LYPLAL1: variants seen among roughly 807,000 people sequenced by gnomAD.
The protein encoded by LYPLAL1 is lysophospholipase like 1, also known as lysophospholipase-like protein 1.
A neutral mutation model predicts 19.7 loss-of-function variants in LYPLAL1; 23 were observed. That is an observed-to-expected ratio of 1.17 (90% confidence interval 0.84 to 1.65). The LOEUF (loss-of-function observed/expected upper bound fraction) is 1.65. LYPLAL1 is among the 40% of genes most tolerant of loss of function. The pLI, the probability that LYPLAL1 is intolerant of heterozygous loss-of-function variation, is 0.00. For synonymous variants in LYPLAL1, 119 were observed against 96.3 expected (o/e 1.24, Z -1.38); for missense variants, 355 against 279.4 (o/e 1.27, Z -1.93).
At chr1:219,179,706 T>C (rs1334985646) in intron 2 of LYPLAL1, among the ~76,000 whole-genome samples, 2 of 152,262 alleles carry the variant, frequency 1.3e-5, no homozygotes, top group African/African-American at 4.8e-5. Flanking sequence ...TATGCTTTTT[T>C]AATCAGTAAA....
At chr1:219,243,770 T>A in the LYPLAL1 span, among the ~76,000 whole-genome samples, 1 of 151,724 alleles carries the variant, frequency 6.6e-6, no homozygotes, top group Non-Finnish European at 1.5e-5. Context: ...ATACAAAAAA[T>A]TAGCTGGACG....
At chr1:219,196,082 A>T (rs1657579695) in intron 3 of LYPLAL1, among the ~76,000 whole-genome samples, 3 of 152,038 alleles carry the variant, frequency 2.0e-5, no homozygotes. Context: ...TCTGTCATTG[A>T]TGGGCGTTTG....
At chr1:219,193,011 G>A (rs1459499191) in intron 2 of LYPLAL1, 71 bp from the exon 3 acceptor site, 17 of 1,391,962 alleles carry the variant, frequency 1.2e-5, no homozygotes, top group Admixed American at 2.4e-5. Context: ...TATTATTTTG[G>A]TAATTAAAGC....
At chr1:219,356,373 A>C in the LYPLAL1 span, among the ~76,000 whole-genome samples, 2 of 151,980 alleles carry the variant, frequency 1.3e-5, no homozygotes, top group Non-Finnish European at 2.9e-5. Flanking sequence ...GGTGATGCGC[A>C]CCTGTAGTCC....
chr1:219,273,721 C>A, the LYPLAL1 span, among the ~76,000 whole-genome samples: 1 of 152,108 alleles, frequency 6.6e-6, no homozygotes, highest in African/African-American at 2.4e-5. Flanking sequence ...ACATTTTGTC[C>A]TCTTTCTGTG....
the LYPLAL1 span, among the ~76,000 whole-genome samples, chr1:219,374,997 G>T: frequency 4.4e-4 from 67 of 152,278 alleles, no homozygotes; most frequent in South Asian, 0.013. Context: ...TTTCTTTGCT[G>T]CATCCCAGTA....
At position 219,193,146 on chromosome 1, in the gene LYPLAL1, G is replaced by T; in HGVS notation, c.256G>T (p.Asp86Tyr). ...VWFDRFKITN[D>Y]CPEHLESIDV... ...GTTTGACAGATTTAAAATAACCAAT[G>T]ACTGCCCAGAACACCTTGAATCAAT... is the stretch of plus-strand genomic sequence containing the variant. Residue 86 changes from aspartate to tyrosine, a missense_variant, in exon 3 of 5, where the codon GAC becomes TAC. Coordinates refer to ENST00000366928, the MANE Select transcript of LYPLAL1 (RefSeq NM_138794.5). 1 of 1,604,204 alleles carries T rather than the reference G, an allele frequency of 6.2e-7. No individual in the cohort carries two copies.
chr1:219,247,972 A>G, the LYPLAL1 span, among the ~76,000 whole-genome samples: 1 of 152,156 alleles, frequency 6.6e-6, no homozygotes, highest in Non-Finnish European at 1.5e-5. Flanking sequence ...TTGAAAAAGT[A>G]ATATTACTGA....
chr1:219,229,196 G>A, the LYPLAL1 span, among the ~76,000 whole-genome samples: 1 of 151,826 alleles, frequency 6.6e-6, no homozygotes, highest in African/African-American at 2.4e-5. Flanking sequence ...GTGTTGGGAA[G>A]GGAAGAGCGT....
chr1:219,250,341 C>T, the LYPLAL1 span, among the ~76,000 whole-genome samples: 7 of 152,032 alleles, frequency 4.6e-5, no homozygotes, highest in East Asian at 1.4e-3. Context: ...GTGTTTGTTT[C>T]TATTCCCTCT....
At chr1:219,221,231 C>T in the LYPLAL1 span, among the ~76,000 whole-genome samples, 2 of 152,072 alleles carry the variant, frequency 1.3e-5, no homozygotes, top group Admixed American at 1.3e-4. Flanking sequence ...TTGAAGCCAC[C>T]CAGTGGACAC....
At chr1:219,304,894 A>C in the LYPLAL1 span, among the ~76,000 whole-genome samples, 2 of 152,228 alleles carry the variant, frequency 1.3e-5, no homozygotes, top group Non-Finnish European at 2.9e-5. Flanking sequence ...TCCTATCGGC[A>C]AAGAGGCTTG....
chr1:219,389,088 G>C, the LYPLAL1 span, among the ~76,000 whole-genome samples: 7 of 152,246 alleles, frequency 4.6e-5, no homozygotes, highest in South Asian at 1.4e-3. Flanking sequence ...GGTATAAAAT[G>C]TATTCTCAAA....
At chr1:219,396,233 A>G in the LYPLAL1 span, among the ~76,000 whole-genome samples, 2 of 152,096 alleles carry the variant, frequency 1.3e-5, no homozygotes, top group African/African-American at 2.4e-5. Flanking sequence ...TGTCGAAGAT[A>G]AGACAGTTGT....
chr1:219,263,189 G>A, the LYPLAL1 span, among the ~76,000 whole-genome samples: 2 of 152,146 alleles, frequency 1.3e-5, no homozygotes, highest in Admixed American at 1.3e-4. Flanking sequence ...GGGGTATGGG[G>A]AGGTGGTTAT....
chr1:219,353,930 TA>T, the LYPLAL1 span, among the ~76,000 whole-genome samples: 18 of 151,448 alleles, frequency 1.2e-4, no homozygotes, highest in South Asian at 4.2e-4. Context: ...ATGGAAATTA[TA>T]AAAAAAAATC....
chr1:219,403,028 G>C, the LYPLAL1 span, among the ~76,000 whole-genome samples: 2 of 152,180 alleles, frequency 1.3e-5, no homozygotes, highest in Non-Finnish European at 2.9e-5. Flanking sequence ...AATAAAGAGG[G>C]ATTGAAATCT....
chr1:219,218,517 G>T, the LYPLAL1 span, among the ~76,000 whole-genome samples: 1 of 145,040 alleles, frequency 6.9e-6, no homozygotes, highest in Non-Finnish European at 1.5e-5. Context: ...TTTTTTTTTA[G>T]GTCATTAGCT....
the LYPLAL1 span, among the ~76,000 whole-genome samples, chr1:219,287,169 A>G: frequency 6.6e-6 from 1 of 152,184 alleles, no homozygotes; most frequent in Admixed American, 6.5e-5. Flanking sequence ...AACCAAAACA[A>G]TCCTCTTTTT....
Sources: gnomAD v4.1 joint callset for allele counts (sites outside exome capture counted in the v4.1 genomes callset) on GRCh38, gnomAD v4.1.1 for gene constraint, MANE v1.5 for transcripts, NCBI Gene and HGNC (gene_info 2026-07-23, HGNC 2026-07-21) for gene names.